The following AHNAK variants were observed in gnomAD, a reference collection of about 807,000 sequenced individuals.
AHNAK encodes the protein AHNAK nucleoprotein.
In AHNAK, 23 loss-of-function variants were observed where a neutral mutation model predicts 37.8. The observed-to-expected ratio is 0.61, with a 90% confidence interval of 0.44 to 0.86. The LOEUF is 0.86. Ranked by LOEUF, AHNAK falls within the 40% of genes least tolerant of loss-of-function variation. The pLI, the probability that AHNAK is intolerant of heterozygous loss-of-function variation, is 0.00. For missense variants in AHNAK, 7,411 were observed against 7,319.4 expected (o/e 1.01, Z -0.46); for synonymous variants, 2,481 against 2,636.3 (o/e 0.94, Z 1.80).
rs115782545 is a variant in AHNAK at position 62,528,994 on chromosome 11, C to T, written c.5423G>A (p.Gly1808Asp). The stretch of plus-strand genomic sequence containing the variant: ...ATCAACTTGCGGCCCTCTGAGATCA[C>T]CTTCCAGTTCTGGCACAGAAGCATC... Reference protein sequence around the residue: ...EIDASVPELEGDLRGPQVDVK... With the variant: ...EIDASVPELEDDLRGPQVDVK... Residue 1808 changes from glycine to aspartate, a missense_variant, in exon 5 of 5, where the codon GGT (glycine) becomes GAT (aspartate). Gly to Asp is a moderately conservative substitution (Grantham distance 94, BLOSUM62 -1). Coordinates refer to ENST00000378024, the MANE Select transcript of AHNAK (RefSeq NM_001620.3). 1.9e-6 allele frequency: 3 copies of T among 1,614,190 alleles called. No individual in the cohort carries two copies. The highest frequency in any genetic ancestry group is 1.7e-6 in the Non-Finnish European group (2 of 1,180,034).
intron 1 of AHNAK, among the ~76,000 whole-genome samples, chr11:62,542,595 G>A (rs891494645): frequency 6.6e-6 from 1 of 152,148 alleles, no homozygotes; most frequent in Non-Finnish European, 1.5e-5. Flanking sequence ...CCATGCTACA[G>A]TGAGCTTGGA....
Position 62,522,386 on chromosome 11 carries a change from T to C in AHNAK, c.12031A>G (p.Lys4011Glu). Residue 4011 changes from lysine to glutamate, a missense_variant, in exon 5 of 5, where the codon AAA becomes GAA. Physicochemically the swap from Lys to Glu is moderately conservative, Grantham distance 56 (BLOSUM62 1). Transcript: ENST00000378024. ...ISMPDFDLHL[K>E]GPKVKGDVDV... Reference sequence around the variant, plus strand: ...ACATCTCCTTTCACCTTAGGGCCTTTCAGATGCAAATCAAAGTCAGGCATG... The same window carrying C: ...ACATCTCCTTTCACCTTAGGGCCTTCCAGATGCAAATCAAAGTCAGGCATG... 6.2e-7 allele frequency: 1 copy of C among 1,614,108 alleles called. No homozygotes were observed. Among genetic ancestry groups the C allele is most frequent in the Non-Finnish European group, 8.5e-7 (1 of 1,180,030 alleles).
Position 62,522,415 on chromosome 11 carries a change from A to T in AHNAK, c.12002T>A (p.Ile4001Asn). 6.2e-7 allele frequency: 1 copy of T among 1,613,918 alleles called. No individual in the cohort carries two copies. The highest frequency in any genetic ancestry group is 1.6e-4 in the Middle Eastern group (1 of 6,062). ...MPEMNIKAPKISMPDFDLHLK... is the reference protein window; with the variant it reads ...MPEMNIKAPKNSMPDFDLHLK... ...ATGCAAATCAAAGTCAGGCATGGAGATCTTGGGGGCTTTGATGTTCATCTC... is the reference window on the plus strand; with the variant it reads ...ATGCAAATCAAAGTCAGGCATGGAGTTCTTGGGGGCTTTGATGTTCATCTC... Residue 4001 changes from isoleucine (I) to asparagine (N), a missense_variant, in exon 5 of 5, where the codon ATC becomes AAC. Coordinates refer to ENST00000378024, the MANE Select transcript of AHNAK (RefSeq NM_001620.3).
chr11:62,434,866 G>A (rs1590573916), intron 5 of AHNAK, among the ~76,000 whole-genome samples: 1 of 150,404 alleles, frequency 6.6e-6, no homozygotes, highest in South Asian at 2.1e-4. Context: ...GGGAGGCAGA[G>A]GTTGCACAGT....
At chr11:62,462,170 C>A (rs577446568) in intron 5 of AHNAK, among the ~76,000 whole-genome samples, 1 of 152,230 alleles carries the variant, frequency 6.6e-6, no homozygotes, top group East Asian at 1.9e-4. Flanking sequence ...CAGCGTCTTA[C>A]CTTCCCAACT....
At chr11:62,482,812 A>G in intron 5 of AHNAK, among the ~76,000 whole-genome samples, 1 of 152,200 alleles carries the variant, frequency 6.6e-6, no homozygotes, top group Non-Finnish European at 1.5e-5. Flanking sequence ...GGAACATTTT[A>G]TCTGTAATCG....
At position 62,519,897 on chromosome 11, in the gene AHNAK, A is replaced by T. The variant is rs369490237; in HGVS notation, c.14520T>A (p.Pro4840=). The part of the protein sequence containing the change: ...AKLKGPKFKM[P]EINIKAPKIS... ...TCTTGGGAGCTTTGATATTTATTTC[A>T]GGCATCTTGAACTTGGGGCCCTTCA... Residue 4840 remains proline (P), a synonymous_variant, in exon 5 of 5, where the codon CCT becomes CCA. Transcript: ENST00000378024. 6.2e-7 allele frequency: 1 copy of T among 1,613,858 alleles called. No individual in the cohort carries two copies. Among genetic ancestry groups the T allele is most frequent in the Non-Finnish European group, 8.5e-7 (1 of 1,179,914 alleles).
In AHNAK at chr11:62,533,700, A is replaced by G. The variant is rs1940848981; in HGVS notation, c.717T>C (p.Ala239=). The G allele has an allele frequency of 1.2e-6, 2 of 1,614,020 alleles. No individual in the cohort carries two copies. Among genetic ancestry groups the G allele is most frequent in the African/African-American group, 1.3e-5 (1 of 74,896 alleles). The change falls in exon 5 of 5, where the codon GCT becomes GCC. Residue 239 remains alanine (A), a synonymous_variant. Transcript: ENST00000378024. The stretch of plus-strand genomic sequence containing the variant: ...TGGTGACCTGGAGCTTCGAGTGGCC[A>G]GCACCTTGGAGCTCTGGTCCTGAAG... ...ISASGPELQG[A]GHSKLQVTMP... is the part of the protein sequence containing the mutation.
chr11:62,475,602 C>CTTTGT (rs1555023233), intron 5 of AHNAK, among the ~76,000 whole-genome samples: 1 of 118,054 alleles, frequency 8.5e-6, no homozygotes, highest in Non-Finnish European at 1.6e-5. Flanking sequence ...TTATGTTATA[C>CTTTGT]TTTTTTTTTT....
At chr11:62,500,137 T>C (rs1939686112) in intron 4 of AHNAK, among the ~76,000 whole-genome samples, 1 of 152,188 alleles carries the variant, frequency 6.6e-6, no homozygotes, top group Non-Finnish European at 1.5e-5. Context: ...ACCCAAGAGA[T>C]TAAACATAGT....
At chr11:62,468,361 A>G (rs200725061) in intron 5 of AHNAK, among the ~76,000 whole-genome samples, 1,115 of 4,736 alleles carry the variant, frequency 0.24, 22 homozygotes, top group African/African-American at 0.3. Context: ...AAAAAAAGAA[A>G]AAAAAAAAAA....
Position 62,526,670 on chromosome 11 carries a change from C to A in AHNAK, c.7747G>T (p.Asp2583Tyr), listed in dbSNP as rs911828291. 33 of 1,613,128 alleles carry A rather than the reference C, an allele frequency of 2.0e-5. No homozygotes were observed. The highest frequency in any genetic ancestry group is 2.6e-5 in the Non-Finnish European group (31 of 1,179,832). ...GGACCTTTCAGATGCAAATCAAAGTCAGGCATGGAGATCTTGGGGGCTTTG... is the reference window on the plus strand; with the variant it reads ...GGACCTTTCAGATGCAAATCAAAGTAAGGCATGGAGATCTTGGGGGCTTTG... ...NIKAPKISMP[D>Y]FDLHLKGPKV... The change falls in exon 5 of 5, where the codon GAC (aspartate) becomes TAC (tyrosine). Residue 2583 changes from aspartate (D) to tyrosine (Y), a missense_variant. Physicochemically the swap from Asp to Tyr is radical, Grantham distance 160. Transcript: ENST00000378024.
At chr11:62,442,712 A>G (rs1370419558) in intron 5 of AHNAK, among the ~76,000 whole-genome samples, 1 of 151,694 alleles carries the variant, frequency 6.6e-6, no homozygotes, top group East Asian at 2.0e-4. Flanking sequence ...TGTACTAAGA[A>G]TACAAAATTA....
chr11:62,473,902 A>G (rs10897283), intron 5 of AHNAK, among the ~76,000 whole-genome samples: 59,603 of 151,248 alleles, frequency 0.39, 13,403 homozygotes, highest in South Asian at 0.69. Context: ...CGGGAGGCTA[A>G]GGTAGGAGGA....
At position 62,528,689 on chromosome 11, in the gene AHNAK, A is replaced by G; in HGVS notation, c.5728T>C (p.Phe1910Leu). 6.2e-7 allele frequency: 1 copy of G among 1,608,892 alleles called. No individual in the cohort carries two copies. The highest frequency in any genetic ancestry group is 8.5e-7 in the Non-Finnish European group (1 of 1,178,878). Residue 1910 changes from phenylalanine (F) to leucine (L), a missense_variant, in exon 5 of 5, where the codon TTT becomes CTT. Physicochemically the swap from Phe to Leu is conservative, Grantham distance 22 (BLOSUM62 0). Transcript: ENST00000378024. ...TTGAAGTGCATGTCTGGCATCTTAA[A>G]TTTAGGGCCTTTCAACTTTGCATCA... ...CPDAKLKGPK[F>L]KMPDMHFKAP... is the part of the protein sequence containing the mutation.
Position 62,517,998 on chromosome 11 carries a change from G to A in AHNAK, c.16419C>T (p.Gly5473=). The A allele has an allele frequency of 6.2e-7, 1 of 1,614,156 alleles. No homozygotes were observed. The highest frequency in any genetic ancestry group is 8.5e-7 in the Non-Finnish European group (1 of 1,180,034). The change falls in exon 5 of 5, where the codon GGC becomes GGT. Residue 5473 remains glycine (G), a synonymous_variant. Coordinates refer to ENST00000378024, the MANE Select transcript of AHNAK (RefSeq NM_001620.3). ...GSLGATGEIK[G]PTVGGGLPGI... ...CTGGAAGACCTCCTCCGACAGTGGG[G>A]CCTTTGATCTCACCAGTGGCCCCAA...
rs144183195 is a variant in AHNAK, at chr11:62,517,814, G to A, written c.16603C>T (p.His5535Tyr). 5 of 1,614,198 alleles carry A rather than the reference G, an allele frequency of 3.1e-6. No individual in the cohort carries two copies. The African/African-American group carries it at 6.7e-5, about 22-fold the overall frequency. The change falls in exon 5 of 5, where the codon CAT (histidine) becomes TAT (tyrosine). Residue 5535 changes from histidine to tyrosine, a missense_variant. Coordinates refer to ENST00000378024, the MANE Select transcript of AHNAK (RefSeq NM_001620.3). ...ACACTGATATCAGGAGCAGCCCCAT[G>A]GAAACCTACTTCTGAACCTTTCAGA... ...GGLKGSEVGFHGAAPDISVKG... is the reference protein window; with the variant it reads ...GGLKGSEVGFYGAAPDISVKG...
chr11:62,437,560 T>C (rs1229449776), intron 5 of AHNAK, among the ~76,000 whole-genome samples: 1 of 152,196 alleles, frequency 6.6e-6, no homozygotes, highest in Admixed American at 6.5e-5. Context: ...GGTTTCACCA[T>C]ATTGGCAAGG....
intron 4 of AHNAK, among the ~76,000 whole-genome samples, chr11:62,504,743 T>G (rs561098634): frequency 6.6e-6 from 1 of 151,954 alleles, no homozygotes; most frequent in South Asian, 2.1e-4. Flanking sequence ...CTCCTCCACA[T>G]AGGGGTCAAG....
Sources: gnomAD v4.1 joint callset for allele counts (sites outside exome capture counted in the v4.1 genomes callset) on GRCh38, gnomAD v4.1.1 for gene constraint, MANE v1.5 for transcripts, NCBI Gene and HGNC (gene_info 2026-07-23, HGNC 2026-07-21) for gene names.